CAMK4: variants seen among roughly 807,000 people sequenced by gnomAD.
The protein encoded by CAMK4 is calcium/calmodulin-dependent protein kinase type IV.
CAMK4 carries 22 observed loss-of-function variants against 44.9 expected under a neutral mutation model. The observed-to-expected ratio is 0.49, with a 90% CI of 0.35 to 0.70. CAMK4 has a LOEUF of 0.70. CAMK4 is among the 30% of genes least tolerant of loss of function. The pLI is 0.01. For missense variants in CAMK4, 498 were observed against 586.8 expected (o/e 0.85, Z 1.56); for synonymous variants, 218 against 215.4 (o/e 1.01, Z -0.11).
chr5:111,492,388 A>G lies in CAMK4; in HGVS notation c.*7922A>G, dbSNP rs886185574. ...TACACTCGCTGTAGAACTCAGAACAAAAGATATCAATCTTCTGCCAGTCCG... is the reference window on the plus strand; with the variant it reads ...TACACTCGCTGTAGAACTCAGAACAGAAGATATCAATCTTCTGCCAGTCCG... On this transcript the variant is annotated 3_prime_UTR_variant, in exon 11 of 11. Transcript: ENST00000282356. 2.6e-5 allele frequency: 4 copies of G among 152,174 alleles called. No individual in the cohort carries two copies. The highest frequency in any genetic ancestry group is 5.9e-5 in the Non-Finnish European group (4 of 68,024). 9.4% of individuals were successfully genotyped at this position (152,174 alleles called of 1,614,324 possible).
chr5:111,231,525 T>C (rs1748477219), intron 1 of CAMK4, among the ~76,000 whole-genome samples: 1 of 152,218 alleles, frequency 6.6e-6, no homozygotes, highest in African/African-American at 2.4e-5. Flanking sequence ...AGCTAGTGTT[T>C]TACACATTTT....
intron 3 of CAMK4, among the ~76,000 whole-genome samples, 189 bp from the exon 4 acceptor site, chr5:111,376,671 T>C (rs2112826657): frequency 6.6e-6 from 1 of 152,080 alleles, no homozygotes; most frequent in South Asian, 2.1e-4. Flanking sequence ...AAAAATGAGG[T>C]AACTGATAAA....
rs1748374981 is a variant in CAMK4 at position 111,315,366 on chromosome 5, C to A, written c.162-28658C>A. ...GATTCATACAGATTAATTTGAAATA[C>A]TAACATTGTAGGTGGTGCACAGAAC... On this transcript the variant is annotated intron_variant, in intron 1 of 10. Coordinates refer to ENST00000282356, the MANE Select transcript of CAMK4 (RefSeq NM_001744.6). Among the ~76,000 whole-genome samples, 3 of 152,066 alleles carry A rather than the reference C, an allele frequency of 2.0e-5. No homozygotes were observed. The South Asian group carries it at 6.2e-4, about 32-fold the overall frequency.
chr5:111,438,405 C>G (rs776372241), intron 5 of CAMK4, among the ~76,000 whole-genome samples: 1 of 152,012 alleles, frequency 6.6e-6, no homozygotes, highest in Admixed American at 6.6e-5. Flanking sequence ...CTAAATGTAC[C>G]CTGTATCTGT....
intron 1 of CAMK4, among the ~76,000 whole-genome samples, chr5:111,273,630 T>G (rs1265246860): frequency 6.9e-6 from 1 of 145,428 alleles, no homozygotes; most frequent in Non-Finnish European, 1.5e-5. Context: ...CCAGAGGAAC[T>G]AATGTTTCCT....
chr5:111,451,021 G>A (rs1475148733), intron 7 of CAMK4, among the ~76,000 whole-genome samples: 1 of 152,106 alleles, frequency 6.6e-6, no homozygotes, highest in East Asian at 1.9e-4. Context: ...ATAAAAATCA[G>A]ATAGGCGAAG....
At chr5:111,343,378 C>G (rs74737665) in intron 1 of CAMK4, among the ~76,000 whole-genome samples, 1 of 151,716 alleles carries the variant, frequency 6.6e-6, no homozygotes, top group Non-Finnish European at 1.5e-5. Flanking sequence ...CTATATTTCT[C>G]TTTTATCTCT....
chr5:111,433,969 G>A (rs376016798), intron 5 of CAMK4, among the ~76,000 whole-genome samples: 1 of 152,142 alleles, frequency 6.6e-6, no homozygotes, highest in Non-Finnish European at 1.5e-5. Context: ...AGATGACCTG[G>A]TGTTTGGATA....
intron 5 of CAMK4, among the ~76,000 whole-genome samples, chr5:111,431,463 G>T (rs1029335398): frequency 3.9e-5 from 6 of 152,062 alleles, no homozygotes; most frequent in Non-Finnish European, 8.8e-5. Flanking sequence ...AAGACTTTTT[G>T]AACAATACCC....
intron 1 of CAMK4, among the ~76,000 whole-genome samples, chr5:111,247,430 TA>T (rs1561360149): frequency 1.8e-4 from 27 of 148,162 alleles, no homozygotes; most frequent in African/African-American, 7.3e-5. Context: ...TTTATACTTA[TA>T]GATACATAAA....
chr5:111,224,613 G>T lies in CAMK4; in HGVS notation c.130G>T (p.Asp44Tyr). The T allele has an allele frequency of 6.2e-7, 1 of 1,611,322 alleles. No individual in the cohort carries two copies. Among genetic ancestry groups the T allele is most frequent in the South Asian group, 1.1e-5 (1 of 90,866 alleles). Residue 44 changes from aspartate to tyrosine, a missense_variant, in exon 1 of 11, where the codon GAT (aspartate) becomes TAT (tyrosine). Asp to Tyr is a radical substitution (Grantham distance 160). Around this residue, in one of 3 missense-constraint regions of CAMK4, gnomAD observed 152 missense variants for 143.7 expected, o/e 1.06. Coordinates refer to ENST00000282356, the MANE Select transcript of CAMK4 (RefSeq NM_001744.6). This position sits in a 1 kb window ranked among gnomAD's most constrained non-coding sequence, Gnocchi z 5.7. ...CGGCTCCAACAGGGATGCGCTGAGC[G>T]ATTTCTTCGAGGTGGAGTCGGAGCT... ...IDGSNRDALS[D>Y]FFEVESELGR... is the part of the protein sequence containing the mutation.
intron 3 of CAMK4, among the ~76,000 whole-genome samples, chr5:111,375,393 C>T (rs762296227): frequency 6.6e-6 from 1 of 152,146 alleles, no homozygotes; most frequent in Non-Finnish European, 1.5e-5. Flanking sequence ...AGAAGCTCTG[C>T]TTCAGGCTTT....
chr5:111,319,639 G>A (rs306081), intron 1 of CAMK4, among the ~76,000 whole-genome samples: 139,414 of 152,202 alleles, frequency 0.92, 63,959 homozygotes, highest in East Asian at 1. Flanking sequence ...GCAGGCCTGT[G>A]TTGTAAATGA....
intron 1 of CAMK4, among the ~76,000 whole-genome samples, chr5:111,306,780 C>T (rs1480372496): frequency 1.7e-3 from 74 of 44,334 alleles, no homozygotes; most frequent in African/African-American, 7.1e-3. Flanking sequence ...AAAAAGAGCC[C>T]GCATTGCCAA....
rs575056873 is a variant in CAMK4 at position 111,279,109 on chromosome 5, A to G, written c.161+54465A>G. Among the ~76,000 whole-genome samples the G allele has an allele frequency of 3.3e-5, 5 of 152,304 alleles. No individual in the cohort carries two copies. In the South Asian group the frequency reaches 1.0e-3, roughly 32 times the overall value. On this transcript the variant is annotated intron_variant, in intron 1 of 10. Transcript: ENST00000282356. ...CTGCTCAGCGAGGTGTCCTTGTGTA[A>G]TTAACGAAAATAAGTCTAGTTTGGA... is the stretch of plus-strand genomic sequence containing the variant.
chr5:111,373,687 T>A (rs1029862374), intron 2 of CAMK4, among the ~76,000 whole-genome samples: 1 of 152,120 alleles, frequency 6.6e-6, no homozygotes, highest in African/African-American at 2.4e-5. Context: ...ATTTCCCATT[T>A]GAAGCAGTCT....
At chr5:111,308,466 AT>A (rs1189037590) in intron 1 of CAMK4, among the ~76,000 whole-genome samples, 1 of 152,216 alleles carries the variant, frequency 6.6e-6, no homozygotes, top group Admixed American at 6.5e-5. Context: ...AAAAACATTA[AT>A]TCCCTTTACT....
intron 1 of CAMK4, among the ~76,000 whole-genome samples, chr5:111,276,155 C>T (rs1750751658): frequency 6.6e-6 from 1 of 152,190 alleles, no homozygotes; most frequent in Admixed American, 6.5e-5. Context: ...AGCATTCCCT[C>T]CAGTCTGCTG....
In CAMK4 at chr5:111,319,984, A is replaced by G. The variant is rs1561408587; in HGVS notation, c.162-24040A>G. ...AGGAGATATTAGGTATAGGAGTGGA[A>G]AAAGCTTAACTTCCAATGAGTCTAG... On this transcript the variant is annotated intron_variant, in intron 1 of 10. Transcript: ENST00000282356. Among the ~76,000 whole-genome samples the G allele has an allele frequency of 3.3e-5, 5 of 152,308 alleles. No homozygotes were observed. In the East Asian group the frequency reaches 9.6e-4, roughly 29 times the overall value.
Sources: gnomAD v4.1 joint callset for allele counts (sites outside exome capture counted in the v4.1 genomes callset) on GRCh38, gnomAD v4.1.1 for gene constraint, gnomAD v4.1.1 regional missense constraint, Gnocchi (gnomAD v3.1) non-coding constraint, MANE v1.5 for transcripts, NCBI Gene and HGNC (gene_info 2026-07-23, HGNC 2026-07-21) for gene names.